The following PIEZO2 variants were observed in gnomAD, a reference collection of about 807,000 sequenced individuals.
The protein encoded by PIEZO2 is piezo type mechanosensitive ion channel component 2.
Under a neutral mutation model 337.3 loss-of-function variants are expected in PIEZO2, and 172 were observed. The ratio of observed to expected loss-of-function variants is 0.51; its 90% confidence interval spans 0.45 to 0.58. The LOEUF (loss-of-function observed/expected upper bound fraction) is 0.58. PIEZO2 is among the 20% of genes least tolerant of loss of function. PIEZO2 has a pLI of 0.00. For synonymous variants in PIEZO2, 1,251 were observed against 1,228.5 expected, an observed-to-expected ratio of 1.02 and a Z score of -0.38; for missense variants, 3,028 against 3,391.3, an observed-to-expected ratio of 0.89 and a Z score of 2.66.
intron 3 of PIEZO2, among the ~76,000 whole-genome samples, chr18:10,976,825 GC>G (rs756828764): frequency 6.6e-6 from 1 of 152,170 alleles, no homozygotes; most frequent in Non-Finnish European, 1.5e-5. Flanking sequence ...GGCAAGGAAG[GC>G]CTGGAAAGAG....
At chr18:10,749,456 C>G (rs1006646987) in intron 29 of PIEZO2, among the ~76,000 whole-genome samples, 7 of 151,030 alleles carry the variant, frequency 4.6e-5, no homozygotes, top group African/African-American at 1.7e-4. Context: ...GAGACCCTGT[C>G]TTGAAATATT....
At chr18:10,851,641 A>G (rs1253854292) in intron 7 of PIEZO2, among the ~76,000 whole-genome samples, 2 of 152,202 alleles carry the variant, frequency 1.3e-5, no homozygotes, top group East Asian at 3.8e-4. Context: ...TGAGCTAATA[A>G]TGATTTTTAC....
At position 11,066,292 on chromosome 18, in the gene PIEZO2, A is replaced by G. The variant is rs1598907414; in HGVS notation, c.65-70T>C. On this transcript the variant is annotated intron_variant, in intron 1 of 55. Coordinates refer to ENST00000674853, the MANE Select transcript of PIEZO2 (RefSeq NM_001378183.1). ...GGCAGGTTGACAAAACCAGGGGTGCATAACAAAAGATGGTCTCAGATGTCA... is the reference window on the plus strand; with the variant it reads ...GGCAGGTTGACAAAACCAGGGGTGCGTAACAAAAGATGGTCTCAGATGTCA... 2.5e-6 allele frequency: 3 copies of G among 1,182,254 alleles called. No homozygotes were observed. The East Asian group carries it at 7.7e-5, about 30-fold the overall frequency. 73.2% of individuals were successfully genotyped at this position (1,182,254 alleles called of 1,614,324 possible).
At chr18:10,708,688 G>T (rs2035690267) in intron 39 of PIEZO2, among the ~76,000 whole-genome samples, 1 of 152,160 alleles carries the variant, frequency 6.6e-6, no homozygotes, top group African/African-American at 2.4e-5. Context: ...GGCACTCTCT[G>T]GGTGGGACTA....
chr18:10,684,739 TACAAGCGTGAGCCACCAC>T (rs1480371774), intron 49 of PIEZO2, among the ~76,000 whole-genome samples: 4 of 152,206 alleles, frequency 2.6e-5, no homozygotes, highest in African/African-American at 7.2e-5. Context: ...GTGCTGGGAT[TACAAGCGTGAGCCACCAC>T]ATTCAGCCTC....
rs1221076171 is a variant in PIEZO2 at position 10,673,530 on chromosome 18, C to T, written c.8162-657G>A. Among the ~76,000 whole-genome samples the T allele has an allele frequency of 6.6e-6, 1 of 152,140 alleles. No homozygotes were observed. Among genetic ancestry groups the T allele is most frequent in the Non-Finnish European group, 1.5e-5 (1 of 68,032 alleles). On this transcript the variant is annotated intron_variant, in intron 54 of 55. Coordinates refer to ENST00000674853, the MANE Select transcript of PIEZO2 (RefSeq NM_001378183.1). This position sits in a 1 kb window ranked among gnomAD's most constrained non-coding sequence, Gnocchi z 4.8. ...GTGAAGGTGGGTGAGGAGGGAAGCT[C>T]ATTTCAGGAAGAGTGATGGGACACA...
chr18:10,891,070 C>T (rs199571632), intron 4 of PIEZO2, among the ~76,000 whole-genome samples: 41 of 152,150 alleles, frequency 2.7e-4, no homozygotes, highest in African/African-American at 8.7e-4. Flanking sequence ...CGGTGGCTCA[C>T]GCCTATAATC....
intron 4 of PIEZO2, among the ~76,000 whole-genome samples, chr18:10,883,539 T>C (rs954704658): frequency 1.3e-5 from 2 of 152,186 alleles, no homozygotes; most frequent in Admixed American, 1.3e-4. Context: ...ATTAGAGAAA[T>C]ACATTATGGA....
intron 2 of PIEZO2, among the ~76,000 whole-genome samples, chr18:11,023,343 C>T (rs8088578): frequency 0.021 from 3,152 of 152,212 alleles, 108 homozygotes; most frequent in African/African-American, 0.072. Context: ...GGTTCTCCAC[C>T]TACCCACTAG....
rs116116835 is a variant in PIEZO2 at position 10,774,372 on chromosome 18, A to G, written c.2535-334T>C. 8.9e-3 allele frequency among the ~76,000 whole-genome samples: 1,349 copies of G among 152,334 alleles called. 24 individuals carry two copies. Among genetic ancestry groups the G allele is most frequent in the African/African-American group, 0.031 (1,291 of 41,570 alleles). The stretch of plus-strand genomic sequence containing the variant: ...GAATCAAGTCATTCACATTTTTGGT[A>G]AGTTTTTAAAAATTTCTTGAAAGAA... On this transcript the variant is annotated intron_variant, in intron 18 of 55. Transcript: ENST00000674853.
At chr18:10,890,573 G>C (rs1290568158) in intron 4 of PIEZO2, 5 of 152,054 alleles carry the variant, frequency 3.3e-5, no homozygotes, top group African/African-American at 1.2e-4. Context: ...AGCAAGAGAC[G>C]TGCAGTGTGA....
At chr18:10,842,876 G>A (rs566626089) in intron 7 of PIEZO2, among the ~76,000 whole-genome samples, 1 of 152,320 alleles carries the variant, frequency 6.6e-6, no homozygotes, top group African/African-American at 2.4e-5. Flanking sequence ...TTATTAAAAC[G>A]TTTGTCAAGT....
In PIEZO2 at chr18:10,784,653, G is replaced by A; in HGVS notation, c.2492+131C>T. 3.5e-6 allele frequency: 3 copies of A among 852,706 alleles called. No homozygotes were observed. Among genetic ancestry groups the A allele is most frequent in the East Asian group, 2.7e-5 (1 of 37,156 alleles). 52.8% of individuals were successfully genotyped at this position (852,706 alleles called of 1,614,324 possible). On this transcript the variant is annotated intron_variant, in intron 17 of 55. Transcript: ENST00000674853. The surrounding 1 kb of genome is among the most constrained non-coding windows in gnomAD (Gnocchi z 4.5). ...ACATGTTTTCCTCTTTTTCTCACAA[G>A]CTGATACTCATGGAAAATTCAAGGC...
At position 10,878,086 on chromosome 18, in the gene PIEZO2, A is replaced by C. The variant is rs1344629071; in HGVS notation, c.330-6671T>G. On this transcript the variant is annotated intron_variant, in intron 4 of 55. Transcript: ENST00000674853. The surrounding 1 kb of genome is among the most constrained non-coding windows in gnomAD (Gnocchi z 4.3). ...CCACACCCATTCCAGAATAGAATGG[A>C]CCGCCATCCCTCCCACATCCTCCAT... Among the ~76,000 whole-genome samples the C allele has an allele frequency of 3.9e-5, 6 of 152,034 alleles. No individual in the cohort carries two copies.
chr18:10,923,189 G>T (rs2031529463), intron 3 of PIEZO2, among the ~76,000 whole-genome samples: 2 of 152,108 alleles, frequency 1.3e-5, no homozygotes, highest in Non-Finnish European at 2.9e-5. Flanking sequence ...ACTTCAGACT[G>T]TTACTACACT....
Position 10,837,938 on chromosome 18 carries a change from G to C in PIEZO2, c.917+17415C>G, listed in dbSNP as rs1013644750. Among the ~76,000 whole-genome samples the C allele has an allele frequency of 1.3e-5, 2 of 152,090 alleles. No individual in the cohort carries two copies. The highest frequency in any genetic ancestry group is 1.9e-4 in the East Asian group (1 of 5,166). ...GGCTAATTTTTGTATTTTTAGTAGA[G>C]ACGGGGTTTCGTCATGTTGGCCAGG... On this transcript the variant is annotated intron_variant, in intron 7 of 55. Transcript: ENST00000674853. This position sits in a 1 kb window ranked among gnomAD's most constrained non-coding sequence, Gnocchi z 4.4.
chr18:10,861,646 C>T lies in PIEZO2; in HGVS notation c.493-4435G>A, dbSNP rs1310108134. On this transcript the variant is annotated intron_variant, in intron 5 of 55. Transcript: ENST00000674853. This position sits in a 1 kb window ranked among gnomAD's most constrained non-coding sequence, Gnocchi z 4.3. ...AAGGGCAGATGCTGATCAAGGGGTA[C>T]AAAATTTCACTTAGACATGAAGAAT... 1.3e-5 allele frequency among the ~76,000 whole-genome samples: 2 copies of T among 152,178 alleles called. No homozygotes were observed. Among genetic ancestry groups the T allele is most frequent in the Admixed American group, 6.5e-5 (1 of 15,282 alleles).
intron 2 of PIEZO2, among the ~76,000 whole-genome samples, chr18:11,052,625 T>C (rs1598886462): frequency 6.6e-6 from 1 of 152,216 alleles, no homozygotes; most frequent in South Asian, 2.1e-4. Flanking sequence ...TACCACTCAA[T>C]AAGATATATA....
At chr18:10,893,758 T>C (rs2042819182) in intron 4 of PIEZO2, 1 of 152,084 alleles carries the variant, frequency 6.6e-6, no homozygotes, top group Non-Finnish European at 1.5e-5. Context: ...GGACCGAATG[T>C]TCAGTAACAG....
Sources: allele counts gnomAD v4.1 joint callset (sites outside exome capture counted in the v4.1 genomes callset), GRCh38; gene constraint gnomAD v4.1.1; non-coding constraint Gnocchi (gnomAD v3.1); transcripts MANE v1.5; gene names NCBI Gene and HGNC (gene_info 2026-07-23, HGNC 2026-07-21).